The following AKAP6 variants were observed in gnomAD, a reference collection of about 807,000 sequenced individuals.
The protein encoded by AKAP6 is A-kinase anchor protein 6.
A neutral mutation model predicts 188.5 loss-of-function variants in AKAP6; 58 were observed. The observed-to-expected ratio is 0.31, with a 90% CI of 0.25 to 0.38. The LOEUF (loss-of-function observed/expected upper bound fraction) is 0.38. Ranked by LOEUF, AKAP6 falls within the 10% of genes least tolerant of loss-of-function variation. The probability of loss-of-function intolerance (pLI) is 1.00; values close to 1 mark genes in which losing one functional copy is unlikely to be tolerated. For missense variants in AKAP6, 2,710 were observed against 2,740.0 expected (o/e 0.99, Z 0.24); for synonymous variants, 989 against 998.6 (o/e 0.99, Z 0.18).
intron 1 of AKAP6, among the ~76,000 whole-genome samples, chr14:32,386,486 T>C (rs987738382): frequency 1.3e-5 from 2 of 152,138 alleles, no homozygotes; most frequent in African/African-American, 4.8e-5. Context: ...TTAGAGTTCA[T>C]TGTAGATTCT....
Position 32,792,789 on chromosome 14 carries a change from C to A in AKAP6, c.3588+18896C>A, listed in dbSNP as rs764060705. 4.9e-4 allele frequency among the ~76,000 whole-genome samples: 75 copies of A among 152,260 alleles called. 1 individual carries two copies. Among genetic ancestry groups the A allele is most frequent in the Non-Finnish European group, 9.0e-4 (61 of 68,006 alleles). On this transcript the variant is annotated intron_variant, in intron 12 of 13. Coordinates refer to ENST00000280979, the MANE Select transcript of AKAP6 (RefSeq NM_004274.5). ...ATAGTTATTATTTTAAGATATGTTT[C>A]ATCAATACCTAGTTTATTGAGTGTT...
In AKAP6 at chr14:32,800,061, C is replaced by CTCTA. The variant is rs377693074; in HGVS notation, c.3589-21340_3589-21339insCTAT. 3.7e-5 allele frequency among the ~76,000 whole-genome samples: 5 copies of CTCTA among 136,942 alleles called. No individual in the cohort carries two copies. The South Asian group carries it at 6.8e-4, about 19-fold the overall frequency. The allele number at this position is 136,942 out of a possible 152,430, so 89.8% of individuals were successfully genotyped here. The stretch of plus-strand genomic sequence containing the variant: ...CCTGTCTCTCTCTCTCTCTCTCTCT[C>CTCTA]TATATATATAGAAATATATATATAT... On this transcript the variant is annotated intron_variant, in intron 12 of 13. Transcript: ENST00000280979.
chr14:32,534,022 A>G (rs1271648325), intron 2 of AKAP6, among the ~76,000 whole-genome samples: 2 of 152,224 alleles, frequency 1.3e-5, no homozygotes, highest in African/African-American at 4.8e-5. Context: ...TTCAAGAACT[A>G]ATATTGGAGC....
At position 32,560,708 on chromosome 14, in the gene AKAP6, ATTAT is replaced by A. The variant is rs1283769647; in HGVS notation, c.2346+13720_2346+13723del. ...TGGATAAACTCAACATTGCGTTTTTATTATTTATTTATTTTTTTAGCGTTGCATT... is the reference window on the plus strand; with the variant it reads ...TGGATAAACTCAACATTGCGTTTTTATTATTTATTTTTTTAGCGTTGCATT... On this transcript the variant is annotated intron_variant, in intron 4 of 13. Coordinates refer to ENST00000280979, the MANE Select transcript of AKAP6 (RefSeq NM_004274.5). Among the ~76,000 whole-genome samples, 2 of 152,136 alleles carry A rather than the reference ATTAT, an allele frequency of 1.3e-5. 1 individual carries two copies. Among genetic ancestry groups the A allele is most frequent in the Non-Finnish European group, 2.9e-5 (2 of 68,010 alleles).
intron 2 of AKAP6, among the ~76,000 whole-genome samples, chr14:32,516,408 G>A (rs562647503): frequency 1.3e-5 from 2 of 152,100 alleles, no homozygotes; most frequent in Non-Finnish European, 2.9e-5. Flanking sequence ...GTGAGACTAG[G>A]ATATAAGTTG....
intron 2 of AKAP6, among the ~76,000 whole-genome samples, chr14:32,502,284 T>C (rs990357364): frequency 6.6e-6 from 1 of 152,116 alleles, no homozygotes; most frequent in Non-Finnish European, 1.5e-5. Flanking sequence ...AGAAATGAGA[T>C]AAATATTCCT....
At chr14:32,520,260 G>A (rs1881750381) in intron 2 of AKAP6, among the ~76,000 whole-genome samples, 1 of 152,154 alleles carries the variant, frequency 6.6e-6, no homozygotes, top group South Asian at 2.1e-4. Context: ...ATCTAAAATT[G>A]ATACCCTAAC....
intron 2 of AKAP6, among the ~76,000 whole-genome samples, chr14:32,464,368 C>A (rs6571525): frequency 0.39 from 59,295 of 152,028 alleles, 15,652 homozygotes; most frequent in African/African-American, 0.76. Flanking sequence ...CAAACTGAAT[C>A]CAGTAGCACA....
At chr14:32,729,872 A>G (rs1195153130) in intron 9 of AKAP6, among the ~76,000 whole-genome samples, 1 of 152,146 alleles carries the variant, frequency 6.6e-6, no homozygotes, top group Non-Finnish European at 1.5e-5. Context: ...ACAGGACACA[A>G]TGGGGCAGCC....
intron 1 of AKAP6, among the ~76,000 whole-genome samples, chr14:32,408,172 G>T (rs1889359706): frequency 6.6e-6 from 1 of 152,140 alleles, no homozygotes. Context: ...GGGAGTGGGT[G>T]GTTGAACAAG....
chr14:32,417,692 C>T (rs747320117), intron 1 of AKAP6: 1 of 152,108 alleles, frequency 6.6e-6, no homozygotes, highest in Non-Finnish European at 1.5e-5. Flanking sequence ...TCTTATAAAT[C>T]TAAGTTTTTC....
intron 7 of AKAP6, among the ~76,000 whole-genome samples, chr14:32,608,992 A>G (rs933252939): frequency 5.9e-5 from 9 of 152,202 alleles, no homozygotes; most frequent in Non-Finnish European, 1.3e-4. Context: ...AAAGTGTGAA[A>G]CAATTACCTC....
intron 11 of AKAP6, among the ~76,000 whole-genome samples, chr14:32,767,222 T>C (rs1594926072): frequency 6.6e-6 from 1 of 152,170 alleles, no homozygotes; most frequent in East Asian, 1.9e-4. Flanking sequence ...GTCTACACTA[T>C]TACAGCATCA....
In AKAP6 at chr14:32,600,706, A is replaced by T. The variant is rs574067247; in HGVS notation, c.2644A>T (p.Ile882Phe). 1.6e-5 allele frequency: 26 copies of T among 1,613,712 alleles called. No homozygotes were observed. In the South Asian group the frequency reaches 2.5e-4, roughly 16 times the overall value. The stretch of plus-strand genomic sequence containing the variant: ...GCAAATCAAACGGCAGCACAGCTGG[A>T]TTCTCAGGGCTCTGGATACCATCAA... ...QRQIKRQHSW[I>F]LRALDTIKAE... Residue 882 changes from isoleucine (I) to phenylalanine (F), a missense_variant, in exon 7 of 14, where the codon ATT (isoleucine) becomes TTT (phenylalanine). Physicochemically the swap from Ile to Phe is conservative, Grantham distance 21. Around this residue, in one of 2 missense-constraint regions of AKAP6, gnomAD observed 2,473 missense variants for 2,426.1 expected, o/e 1.02. Transcript: ENST00000280979.
At chr14:32,805,793 A>T (rs773597661) in intron 12 of AKAP6, among the ~76,000 whole-genome samples, 7 of 152,216 alleles carry the variant, frequency 4.6e-5, no homozygotes, top group African/African-American at 7.2e-5. Context: ...TTTTTAACAT[A>T]TAAATGGGTA....
rs1566546346 is a variant in AKAP6, at chr14:32,510,384, ATATATATGTG to A, written c.325-25162_325-25153del. Among the ~76,000 whole-genome samples the A allele has an allele frequency of 1.3e-3, 142 of 110,870 alleles. 1 individual carries two copies. The highest frequency in any genetic ancestry group is 4.9e-3 in the African/African-American group (133 of 27,212). 72.7% of individuals were successfully genotyped at this position (110,870 alleles called of 152,430 possible). ...TATATATGTGTATATATATGTGTAT[ATATATATGTG>A]TATATATATGTATATATATGTATAT... is the stretch of plus-strand genomic sequence containing the variant. On this transcript the variant is annotated intron_variant, in intron 2 of 13. Transcript: ENST00000280979.
chr14:32,743,187 T>C (rs1594901134), intron 11 of AKAP6, among the ~76,000 whole-genome samples: 1 of 152,146 alleles, frequency 6.6e-6, no homozygotes, highest in African/African-American at 2.4e-5. Context: ...ACATAGCTAC[T>C]CCTCCTCTTT....
chr14:32,366,164 C>A (rs574118324), intron 1 of AKAP6, among the ~76,000 whole-genome samples: 1 of 152,278 alleles, frequency 6.6e-6, no homozygotes, highest in African/African-American at 2.4e-5. Context: ...GTTTGCACCC[C>A]CTCCATGAAG....
chr14:32,664,252 T>C (rs767614192), intron 7 of AKAP6, among the ~76,000 whole-genome samples: 13 of 152,112 alleles, frequency 8.5e-5, no homozygotes, highest in Admixed American at 1.3e-4. Flanking sequence ...TAAGTCAAGC[T>C]TTACAAGGTC....
Sources: allele counts gnomAD v4.1 joint callset (sites outside exome capture counted in the v4.1 genomes callset), GRCh38; gene constraint gnomAD v4.1.1; regional missense constraint gnomAD v4.1.1; transcripts MANE v1.5; gene names NCBI Gene and HGNC (gene_info 2026-07-23, HGNC 2026-07-21).